EFNA5: variants seen among roughly 807,000 people sequenced by gnomAD.
The protein encoded by EFNA5 is ephrin A5.
Under a neutral mutation model 22.9 loss-of-function variants are expected in EFNA5, and 5 were observed. The observed-to-expected ratio is 0.22, with a 90% confidence interval of 0.11 to 0.46. The LOEUF (loss-of-function observed/expected upper bound fraction) is 0.46. Ranked by LOEUF, EFNA5 falls within the 20% of genes least tolerant of loss-of-function variation. EFNA5 has a pLI of 0.99. For synonymous variants in EFNA5, 113 were observed against 112.2 expected (o/e 1.01, Z -0.04); for missense variants, 237 against 293.3 (o/e 0.81, Z 1.40).
chr5:107,381,232 A>G lies in EFNA5; in HGVS notation c.*23T>C. ...TTCCAAGACCCTGATGTTTTCTGTG[A>G]CAAGTGATGGGAGGAGACTGTGCTA... On this transcript the variant is annotated 3_prime_UTR_variant, in exon 5 of 5. Coordinates refer to ENST00000333274, the MANE Select transcript of EFNA5 (RefSeq NM_001962.3). The G allele has an allele frequency of 6.2e-7, 1 of 1,604,448 alleles. No homozygotes were observed. The highest frequency in any genetic ancestry group is 8.5e-7 in the Non-Finnish European group (1 of 1,172,164).
At chr5:107,602,602 T>G (rs563143519) in intron 1 of EFNA5, among the ~76,000 whole-genome samples, 1 of 152,296 alleles carries the variant, frequency 6.6e-6, no homozygotes, top group African/African-American at 2.4e-5. Flanking sequence ...TAGAGTGAGC[T>G]GTGCATTTTC....
At chr5:107,624,818 A>G (rs558285221) in intron 1 of EFNA5, among the ~76,000 whole-genome samples, 12 of 152,272 alleles carry the variant, frequency 7.9e-5, no homozygotes, top group Non-Finnish European at 1.6e-4. Context: ...TGAGGTATTC[A>G]TTGTTTACCT....
In EFNA5 at chr5:107,548,862, TAA is replaced by T. The variant is rs199602599; in HGVS notation, c.126-121355_126-121354del. Among the ~76,000 whole-genome samples the T allele has an allele frequency of 6.5e-3, 984 of 152,326 alleles. 16 individuals are homozygous for T. Among genetic ancestry groups the T allele is most frequent in the African/African-American group, 0.022 (921 of 41,576 alleles). ...GTAAAGTGGAAGAAGTCTAGCCAAGTAAAAGTCTTCGAGAGGATTTGCTCTAG... is the reference window on the plus strand; with the variant it reads ...GTAAAGTGGAAGAAGTCTAGCCAAGTAAGTCTTCGAGAGGATTTGCTCTAG... On this transcript the variant is annotated intron_variant, in intron 1 of 4. Transcript: ENST00000333274.
intron 1 of EFNA5, among the ~76,000 whole-genome samples, chr5:107,430,540 A>G (rs1189449977): frequency 6.6e-6 from 1 of 152,056 alleles, no homozygotes; most frequent in Non-Finnish European, 1.5e-5. Context: ...CACAACTGAA[A>G]AAAAAATGTC....
chr5:107,578,951 A>T (rs1284278829), intron 1 of EFNA5, among the ~76,000 whole-genome samples: 6 of 152,192 alleles, frequency 3.9e-5, no homozygotes, highest in Non-Finnish European at 1.5e-5. Context: ...ATTTACACCA[A>T]CACAGTCATA....
At chr5:107,582,448 A>C (rs796504762) in intron 1 of EFNA5, among the ~76,000 whole-genome samples, 23 of 152,302 alleles carry the variant, frequency 1.5e-4, no homozygotes, top group African/African-American at 5.5e-4. Context: ...AGAACACAAT[A>C]TGGACCTCCT....
chr5:107,542,218 A>T (rs1391096674), intron 1 of EFNA5, among the ~76,000 whole-genome samples: 1 of 152,118 alleles, frequency 6.6e-6, no homozygotes, highest in African/African-American at 2.4e-5. Context: ...AATATTGTTT[A>T]AAAAAAGTCA....
intron 1 of EFNA5, among the ~76,000 whole-genome samples, chr5:107,614,563 A>T (rs1749877117): frequency 6.6e-6 from 1 of 152,144 alleles, no homozygotes; most frequent in Non-Finnish European, 1.5e-5. Context: ...CATTCTGCCT[A>T]GTTTGAAGAC....
intron 1 of EFNA5, among the ~76,000 whole-genome samples, chr5:107,570,093 GGA>G (rs1268626595): frequency 6.6e-5 from 10 of 152,094 alleles, no homozygotes. Context: ...CAAACTCTGA[GGA>G]GAGACCTACC....
At chr5:107,545,816 T>A (rs1181643879) in intron 1 of EFNA5, among the ~76,000 whole-genome samples, 1 of 152,152 alleles carries the variant, frequency 6.6e-6, no homozygotes, top group Non-Finnish European at 1.5e-5. Flanking sequence ...AACTCAAACT[T>A]TTGGAAAGCC....
intron 1 of EFNA5, among the ~76,000 whole-genome samples, chr5:107,577,902 A>G (rs1053323115): frequency 3.9e-5 from 6 of 152,166 alleles, no homozygotes; most frequent in Non-Finnish European, 7.3e-5. Context: ...GGGTTCAGAC[A>G]TTGCTGTGGA....
chr5:107,574,665 G>A (rs537856640), intron 1 of EFNA5, among the ~76,000 whole-genome samples: 30 of 152,242 alleles, frequency 2.0e-4, no homozygotes, highest in African/African-American at 7.0e-4. Flanking sequence ...AGAAGCCCCT[G>A]GGCTTGAAGC....
At chr5:107,382,181 G>A (rs1747486336) in intron 4 of EFNA5, among the ~76,000 whole-genome samples, 1 of 152,160 alleles carries the variant, frequency 6.6e-6, no homozygotes. Flanking sequence ...CTATGAGGCT[G>A]CCTCTGACTT....
intron 1 of EFNA5, among the ~76,000 whole-genome samples, chr5:107,605,200 C>A (rs1749688970): frequency 6.6e-6 from 1 of 151,884 alleles, no homozygotes; most frequent in African/African-American, 2.4e-5. Flanking sequence ...GATGTGGTTT[C>A]TGTGTTTATA....
At chr5:107,534,775 A>G (rs996210102) in intron 1 of EFNA5, among the ~76,000 whole-genome samples, 3 of 152,224 alleles carry the variant, frequency 2.0e-5, no homozygotes, top group Admixed American at 1.3e-4. Context: ...AAAGCTTATC[A>G]AAATCTGACA....
At chr5:107,505,460 T>C (rs557953107) in intron 1 of EFNA5, among the ~76,000 whole-genome samples, 2 of 152,264 alleles carry the variant, frequency 1.3e-5, no homozygotes, top group South Asian at 4.1e-4. Context: ...CAGCTGGAAA[T>C]CATAGTAGAC....
At chr5:107,442,929 TAAAAA>T (rs544741414) in intron 1 of EFNA5, among the ~76,000 whole-genome samples, 8 of 82,348 alleles carry the variant, frequency 9.7e-5, no homozygotes, top group Non-Finnish European at 1.7e-4. Flanking sequence ...CCCCAGGTAC[TAAAAA>T]AAAAAAAAAA....
chr5:107,385,919 C>G (rs1442210108), intron 4 of EFNA5, among the ~76,000 whole-genome samples: 1 of 152,078 alleles, frequency 6.6e-6, no homozygotes, highest in African/African-American at 2.4e-5. Context: ...CTCTCATTTG[C>G]GCTCTGGGTG....
rs1372735470 is a variant in EFNA5 at position 107,488,216 on chromosome 5, GTTATC to G, written c.126-60712_126-60708del. 2.0e-5 allele frequency among the ~76,000 whole-genome samples: 3 copies of G among 152,148 alleles called. No homozygotes were observed. In the East Asian group the frequency reaches 5.8e-4, roughly 29 times the overall value. On this transcript the variant is annotated intron_variant, in intron 1 of 4. Transcript: ENST00000333274. ...GAAATACTAACCGCTGTATACAAAT[GTTATC>G]TTATCCCCCATCTTGCGGCTTAGTT...
Sources: allele counts gnomAD v4.1 joint callset (sites outside exome capture counted in the v4.1 genomes callset), GRCh38; gene constraint gnomAD v4.1.1; transcripts MANE v1.5; gene names NCBI Gene and HGNC (gene_info 2026-07-23, HGNC 2026-07-21).